RB1CC1: variants seen among roughly 807,000 people sequenced by gnomAD.
The protein encoded by RB1CC1 is RB1-inducible coiled-coil protein 1.
A neutral mutation model predicts 177.5 loss-of-function variants in RB1CC1; 46 were observed. That is an observed-to-expected ratio of 0.26 (90% CI 0.20 to 0.33). RB1CC1 has a LOEUF of 0.33. Ranked by LOEUF, RB1CC1 falls within the 10% of genes least tolerant of loss-of-function variation. RB1CC1 has a pLI of 1.00. For missense variants in RB1CC1, 1,703 were observed against 1,816.3 expected, an observed-to-expected ratio of 0.94 and a Z score of 1.13; for synonymous variants, 666 against 613.6, an observed-to-expected ratio of 1.09 and a Z score of -1.26.
At chr8:52,674,870 A>G (rs1223434460) in intron 6 of RB1CC1, among the ~76,000 whole-genome samples, 1 of 152,208 alleles carries the variant, frequency 6.6e-6, no homozygotes, top group South Asian at 2.1e-4. Flanking sequence ...TTAAATTTAC[A>G]AAAAGATTCA....
chr8:52,681,615 T>C (rs1454636920), intron 5 of RB1CC1, among the ~76,000 whole-genome samples: 2 of 152,106 alleles, frequency 1.3e-5, no homozygotes, highest in Non-Finnish European at 2.9e-5. Flanking sequence ...AGGGCAGGCA[T>C]GGTGGCTCAA....
chr8:52,660,302 G>GA (rs972926125), intron 12 of RB1CC1, among the ~76,000 whole-genome samples: 1 of 151,360 alleles, frequency 6.6e-6, no homozygotes, highest in Non-Finnish European at 1.5e-5. Context: ...AGGGTGGAAA[G>GA]AAAAAAAGGA....
chr8:52,680,085 C>T (rs898665011), intron 5 of RB1CC1, among the ~76,000 whole-genome samples: 6 of 151,750 alleles, frequency 4.0e-5, no homozygotes, highest in African/African-American at 1.5e-4. Flanking sequence ...TCTATTCATT[C>T]AAACACAAGC....
Position 52,661,841 on chromosome 8 carries a change from T to A in RB1CC1, c.1174-122A>T, listed in dbSNP as rs1450697430. 25 of 681,712 alleles carry A rather than the reference T, an allele frequency of 3.7e-5. No individual in the cohort carries two copies. In the South Asian group the frequency reaches 8.9e-4, roughly 24 times the overall value. The allele number at this position is 681,712 out of a possible 1,614,324, so 42.2% of individuals were successfully genotyped here. On this transcript the variant is annotated intron_variant, in intron 8 of 23. Transcript: ENST00000025008. ...GTTTTGTGCCTTCTAACAATATTTTTAAATCCTCTATTTTTCTCGAATGTA... is the reference window on the plus strand; with the variant it reads ...GTTTTGTGCCTTCTAACAATATTTTAAAATCCTCTATTTTTCTCGAATGTA...
At chr8:52,646,699 G>A (rs539829610) in intron 15 of RB1CC1, among the ~76,000 whole-genome samples, 2 of 152,194 alleles carry the variant, frequency 1.3e-5, no homozygotes, top group East Asian at 3.9e-4. Context: ...AACCTCTTAG[G>A]GGTTGCTGAC....
At position 52,656,487 on chromosome 8, in the gene RB1CC1, A is replaced by G; in HGVS notation, c.3342T>C (p.Asn1114=). ...ISKLNQKIQD[N]NENYQVGLAE... Reference sequence around the variant, plus strand: ...CTAAGCCCACCTGATAATTTTCATTATTATCCTGAATCTTTTGGTTGAGTT... The same window carrying G: ...CTAAGCCCACCTGATAATTTTCATTGTTATCCTGAATCTTTTGGTTGAGTT... Residue 1114 remains asparagine (N), a synonymous_variant, in exon 15 of 24, where the codon AAT becomes AAC. Transcript: ENST00000025008. 2 of 1,611,138 alleles carry G rather than the reference A, an allele frequency of 1.2e-6. No individual in the cohort carries two copies. The highest frequency in any genetic ancestry group is 1.7e-6 in the Non-Finnish European group (2 of 1,179,704).
chr8:52,657,551 T>C lies in RB1CC1; in HGVS notation c.2278A>G (p.Met760Val). 1 of 1,614,066 alleles carries C rather than the reference T, an allele frequency of 6.2e-7. No individual in the cohort carries two copies. ...ACTGATGAATAAAGTGATTCCACCA[T>C]CATTTCTGGGCTTTGTGGATCACTT... The part of the protein sequence containing the change: ...PISDPQSPEM[M>V]VESLYSSVIN... The change falls in exon 15 of 24, where the codon ATG becomes GTG. Residue 760 changes from methionine to valine, a missense_variant. Transcript: ENST00000025008.
intron 3 of RB1CC1, 69 bp from the exon 4 acceptor site, chr8:52,684,082 C>G (rs1158178927): frequency 3.3e-6 from 5 of 1,508,150 alleles, no homozygotes; most frequent in Non-Finnish European, 4.4e-6. Context: ...CCAAGTAGTA[C>G]TATGTAAAAA....
In RB1CC1 at chr8:52,657,266, G is replaced by A; in HGVS notation, c.2563C>T (p.Leu855=). 1 of 1,600,994 alleles carries A rather than the reference G, an allele frequency of 6.2e-7. No individual in the cohort carries two copies. The highest frequency in any genetic ancestry group is 8.6e-7 in the Non-Finnish European group (1 of 1,169,372). ...TGTTTTTCTTTTAGTGTTATTTCCA[G>A]AGAACATTTTACTTTTTCAATAATG... ...RNIIEKVKCS[L]EITLKEKHQK... is the part of the protein sequence containing the mutation. The change falls in exon 15 of 24, where the codon CTG becomes TTG. Residue 855 remains leucine (L), a synonymous_variant. Transcript: ENST00000025008.
intron 1 of RB1CC1, among the ~76,000 whole-genome samples, chr8:52,712,506 A>AC (rs1361628329): frequency 1.3e-5 from 2 of 151,680 alleles, no homozygotes; most frequent in African/African-American, 2.4e-5. Context: ...CAAAAAAAAA[A>AC]AAAAAAAAAA....
chr8:52,709,809 C>T (rs1007798629), intron 1 of RB1CC1, among the ~76,000 whole-genome samples: 2 of 152,214 alleles, frequency 1.3e-5, no homozygotes, highest in Non-Finnish European at 2.9e-5. Context: ...GGGGACACCC[C>T]AATGACAATC....
intron 1 of RB1CC1, among the ~76,000 whole-genome samples, chr8:52,688,875 C>T (rs181884395): frequency 3.9e-5 from 6 of 152,218 alleles, no homozygotes; most frequent in South Asian, 2.1e-4. Context: ...ATTTCTCAGC[C>T]GGCCGACACT....
intron 1 of RB1CC1, among the ~76,000 whole-genome samples, chr8:52,693,124 C>T (rs1392221199): frequency 2.0e-5 from 3 of 152,116 alleles, no homozygotes; most frequent in Non-Finnish European, 2.9e-5. Flanking sequence ...AAAATCAACT[C>T]AAGATGGATT....
intron 1 of RB1CC1, among the ~76,000 whole-genome samples, chr8:52,688,384 T>G (rs1206129867): frequency 6.6e-6 from 1 of 151,696 alleles, no homozygotes; most frequent in Non-Finnish European, 1.5e-5. Context: ...TGTGGGGAGG[T>G]CTACAAATGG....
At chr8:52,648,091 T>A (rs1315642183) in intron 15 of RB1CC1, among the ~76,000 whole-genome samples, 1 of 152,082 alleles carries the variant, frequency 6.6e-6, no homozygotes, top group Non-Finnish European at 1.5e-5. Flanking sequence ...GAGGACACAG[T>A]TCCAGGTACA....
In RB1CC1 at chr8:52,673,830, A is replaced by G; in HGVS notation, c.1002+15T>C. The G allele has an allele frequency of 6.4e-7, 1 of 1,574,608 alleles. No homozygotes were observed. Among genetic ancestry groups the G allele is most frequent in the African/African-American group, 1.4e-5 (1 of 73,036 alleles). On this transcript the variant is annotated intron_variant, in intron 7 of 23. Transcript: ENST00000025008. ...AGTAAAATGACAAAACAAACATCAAATTAACGTTACTTACCCTGCTCATAG... is the reference window on the plus strand; with the variant it reads ...AGTAAAATGACAAAACAAACATCAAGTTAACGTTACTTACCCTGCTCATAG...
At chr8:52,638,710 G>A (rs1343382503) in intron 18 of RB1CC1, among the ~76,000 whole-genome samples, 2 of 151,758 alleles carry the variant, frequency 1.3e-5, no homozygotes, top group African/African-American at 2.4e-5. Flanking sequence ...AAGAAACTCT[G>A]TAAGTTCAAA....
chr8:52,635,479 G>C (rs983330948), intron 19 of RB1CC1, among the ~76,000 whole-genome samples: 1 of 152,100 alleles, frequency 6.6e-6, no homozygotes, highest in African/African-American at 2.4e-5. Flanking sequence ...AGAATGAAAA[G>C]TAATCTATGA....
chr8:52,673,753 G>GAGAT, intron 7 of RB1CC1, 92 bp downstream of exon 7: 1 of 1,190,678 alleles, frequency 8.4e-7, no homozygotes, highest in Non-Finnish European at 1.1e-6. Flanking sequence ...CTACTAAAAG[G>GAGAT]TAATACCCAT....
Sources: allele counts gnomAD v4.1 joint callset (sites outside exome capture counted in the v4.1 genomes callset), GRCh38; gene constraint gnomAD v4.1.1; transcripts MANE v1.5; gene names NCBI Gene and HGNC (gene_info 2026-07-23, HGNC 2026-07-21).